Variants in LRP2 observed in about 807,000 individuals in gnomAD.
The protein encoded by LRP2 is LDL receptor related protein 2.
LRP2 carries 172 observed loss-of-function variants against 531.0 expected under a neutral mutation model. That is an observed-to-expected ratio of 0.32 (90% CI 0.29 to 0.37). The LOEUF is 0.37. Among genes scored for constraint, LRP2 ranks in the 10% least tolerant of loss-of-function variants. The probability of loss-of-function intolerance (pLI) is 1.00; values close to 1 mark genes in which losing one functional copy is unlikely to be tolerated. For synonymous variants in LRP2, 1,992 were observed against 2,027.6 expected, an observed-to-expected ratio of 0.98 and a Z score of 0.47; for missense variants, 5,167 against 5,868.3, an observed-to-expected ratio of 0.88 and a Z score of 3.90.
At chr2:169,268,611 T>TA (rs1256124832) in intron 16 of LRP2, among the ~76,000 whole-genome samples, 2 of 152,172 alleles carry the variant, frequency 1.3e-5, no homozygotes, top group African/African-American at 4.8e-5. Flanking sequence ...CTCAAAATAA[T>TA]AAGAGCTATT....
chr2:169,185,729 A>G lies in LRP2; in HGVS notation c.9619T>C (p.Tyr3207His). 1 of 1,614,034 alleles carries G rather than the reference A, an allele frequency of 6.2e-7. No individual in the cohort carries two copies. The highest frequency in any genetic ancestry group is 1.1e-5 in the South Asian group (1 of 91,072). ...TCTATAGTTAAATTTCTCAAATAGTAACGGTTGCTAAAAATGAGATAGGGT... is the reference window on the plus strand; with the variant it reads ...TCTATAGTTAAATTTCTCAAATAGTGACGGTTGCTAAAAATGAGATAGGGT... ...IEPYLIFSNR[Y>H]YLRNLTIDGY... The change falls in exon 50 of 79, where the codon TAC becomes CAC. Residue 3207 changes from tyrosine to histidine, a missense_variant. Physicochemically the swap from Tyr to His is moderately conservative, Grantham distance 83. Transcript: ENST00000649046.
chr2:169,178,157 C>T lies in LRP2; in HGVS notation c.10170-131G>A, dbSNP rs1034355201. 1.6e-4 allele frequency: 113 copies of T among 713,390 alleles called. No homozygotes were observed. In the South Asian group the frequency reaches 1.7e-3, roughly 11 times the overall value. The allele number at this position is 713,390 out of a possible 1,614,324, so 44.2% of individuals were successfully genotyped here. On this transcript the variant is annotated intron_variant, in intron 52 of 78. Coordinates refer to ENST00000649046, the MANE Select transcript of LRP2 (RefSeq NM_004525.3). ...ATAATATAAGTTCAGATCCTCAAAA[C>T]TCCTAGTCTTTAATTAAAACAAAAA...
chr2:169,129,742 G>C (rs1359474789), intron 77 of LRP2, among the ~76,000 whole-genome samples: 1 of 152,142 alleles, frequency 6.6e-6, no homozygotes, highest in Non-Finnish European at 1.5e-5. Flanking sequence ...AGAAGGGCAG[G>C]TAATGATTAC....
chr2:169,241,442 T>C (rs894311571), intron 24 of LRP2, 77 bp from the exon 25 acceptor site: 10 of 1,520,070 alleles, frequency 6.6e-6, no homozygotes, highest in Non-Finnish European at 7.3e-6. Flanking sequence ...TCAGAGGAAA[T>C]GATTTTGGAT....
Position 169,138,652 on chromosome 2 carries a change from T to C in LRP2, c.13443A>G (p.Ser4481=). ...CAATATCCATGTTAAGATCTGCCCC[T>C]GATCTGAAGGTCACCCCATTCCCAT... The part of the protein sequence containing the change: ...SENGNGVTFR[S]GADLNMDIGV... Residue 4481 remains serine (S), a synonymous_variant, in exon 75 of 79, where the codon TCA becomes TCG. Transcript: ENST00000649046. The C allele has an allele frequency of 1.2e-6, 2 of 1,614,086 alleles. No individual in the cohort carries two copies. Among genetic ancestry groups the C allele is most frequent in the Non-Finnish European group, 8.5e-7 (1 of 1,179,938 alleles).
chr2:169,314,118 A>G (rs1280470195), intron 3 of LRP2, among the ~76,000 whole-genome samples: 3 of 152,196 alleles, frequency 2.0e-5, no homozygotes, highest in Non-Finnish European at 4.4e-5. Flanking sequence ...CGACAAGTAA[A>G]CCTGGCACAG....
At chr2:169,225,089 T>TA (rs971235950) in intron 33 of LRP2, among the ~76,000 whole-genome samples, 6 of 150,474 alleles carry the variant, frequency 4.0e-5, no homozygotes, top group South Asian at 2.1e-4. Flanking sequence ...AGACTTTGTC[T>TA]AAAAAAAAAA....
intron 3 of LRP2, among the ~76,000 whole-genome samples, chr2:169,312,566 A>AGATCAGCT (rs1375257337): frequency 5.3e-5 from 8 of 152,194 alleles, no homozygotes; most frequent in African/African-American, 1.9e-4. Context: ...TTCTGCCGAG[A>AGATCAGCT]GATCAGCTGT....
intron 70 of LRP2, 140 bp downstream of exon 70, chr2:169,145,607 C>T (rs925413502): frequency 4.7e-5 from 38 of 803,476 alleles, no homozygotes; most frequent in Middle Eastern, 3.5e-4. Context: ...CCCCAGCAAA[C>T]GTACATACAC....
chr2:169,328,460 A>AAG (rs1553515057), intron 1 of LRP2, among the ~76,000 whole-genome samples: 24 of 148,360 alleles, frequency 1.6e-4, no homozygotes, highest in African/African-American at 5.6e-4. Context: ...AAAAAAAAAA[A>AAG]AAAAGAAAAA....
intron 70 of LRP2, among the ~76,000 whole-genome samples, chr2:169,143,435 G>A (rs1043308880): frequency 1.2e-4 from 19 of 152,150 alleles, no homozygotes; most frequent in Non-Finnish European, 2.2e-4. Context: ...GAGGTCAGGA[G>A]ATCGAGACCA....
At chr2:169,270,800 T>TAAATAAA in intron 16 of LRP2, 104 bp downstream of exon 16, 4 of 438,410 alleles carry the variant, frequency 9.1e-6, no homozygotes, top group Non-Finnish European at 1.6e-5. Context: ...ATAAGACTGC[T>TAAATAAA]TAAAAATTAG....
At chr2:169,279,853 C>G (rs950538080) in intron 11 of LRP2, among the ~76,000 whole-genome samples, 3 of 152,100 alleles carry the variant, frequency 2.0e-5, no homozygotes, top group Admixed American at 6.5e-5. Context: ...TTGCATTACT[C>G]CAAGATGAAA....
chr2:169,187,837 G>A, intron 49 of LRP2, 133 bp downstream of exon 49: 2 of 985,556 alleles, frequency 2.0e-6, no homozygotes, highest in Non-Finnish European at 3.2e-6. Context: ...GTAACCTTTT[G>A]CTATATCAGG....
intron 33 of LRP2, among the ~76,000 whole-genome samples, chr2:169,223,810 C>G (rs1015318197): frequency 6.6e-6 from 1 of 152,184 alleles, no homozygotes. Flanking sequence ...GCTTGAGATA[C>G]TTGTGCACAC....
At chr2:169,157,764 C>CAAA (rs1686387221) in intron 63 of LRP2, among the ~76,000 whole-genome samples, 1 of 151,938 alleles carries the variant, frequency 6.6e-6, no homozygotes, top group Non-Finnish European at 1.5e-5. Flanking sequence ...CTAGGCTTAT[C>CAAA]CTCAGAGCAT....
At chr2:169,231,571 T>C in intron 31 of LRP2, 143 bp downstream of exon 31, 1 of 1,009,932 alleles carries the variant, frequency 9.9e-7, no homozygotes, top group Non-Finnish European at 1.6e-6. Context: ...CATCACCCCA[T>C]ACAACACACA....
At chr2:169,299,432 A>T (rs952033514) in intron 4 of LRP2, among the ~76,000 whole-genome samples, 2 of 152,062 alleles carry the variant, frequency 1.3e-5, no homozygotes, top group African/African-American at 4.8e-5. Flanking sequence ...TGTGCCTGAG[A>T]GGGTTGCTCC....
At chr2:169,213,354 A>G (rs1021042353) in intron 36 of LRP2, among the ~76,000 whole-genome samples, 2 of 152,202 alleles carry the variant, frequency 1.3e-5, no homozygotes, top group African/African-American at 4.8e-5. Context: ...TCTAATAAGT[A>G]ACACAAACAA....
Sources: allele counts gnomAD v4.1 joint callset (sites outside exome capture counted in the v4.1 genomes callset), GRCh38; gene constraint gnomAD v4.1.1; transcripts MANE v1.5; gene names NCBI Gene and HGNC (gene_info 2026-07-23, HGNC 2026-07-21).